NCALD: variants seen among roughly 807,000 people sequenced by gnomAD.
The protein encoded by NCALD is neurocalcin delta.
A neutral mutation model predicts 18.6 loss-of-function variants in NCALD; 10 were observed. That is an observed-to-expected ratio of 0.54 (90% CI 0.33 to 0.91). The LOEUF (loss-of-function observed/expected upper bound fraction) is 0.91. Among genes scored for constraint, NCALD ranks in the 40% least tolerant of loss-of-function variants. The pLI, the probability that NCALD is intolerant of heterozygous loss-of-function variation, is 0.03. For missense variants in NCALD, 184 were observed against 247.6 expected, an observed-to-expected ratio of 0.74 and a Z score of 1.72; for synonymous variants, 88 against 87.4, an observed-to-expected ratio of 1.01 and a Z score of -0.04.
Position 101,942,860 on chromosome 8 carries a change from G to A in NCALD, c.-156-27002C>T, listed in dbSNP as rs150975510. Among the ~76,000 whole-genome samples, 13 of 152,250 alleles carry A rather than the reference G, an allele frequency of 8.5e-5. No homozygotes were observed. The East Asian group carries it at 2.3e-3, about 27-fold the overall frequency. ...TCTAACATTCACATGCTTACCCACT[G>A]TGACATACAGCTTCATCCAATTACC... is the stretch of plus-strand genomic sequence containing the variant. On this transcript the variant is annotated intron_variant, in intron 2 of 6. Transcript: ENST00000311028.
intron 4 of NCALD, among the ~76,000 whole-genome samples, chr8:101,798,908 G>T (rs1057026644): frequency 7.1e-4 from 108 of 152,252 alleles, no homozygotes; most frequent in African/African-American, 2.5e-3. Context: ...AATGGAAGAA[G>T]AATATTTTTT....
At chr8:101,768,723 C>CAAAAAAAAAAAAA (rs71268528) in intron 1 of NCALD, among the ~76,000 whole-genome samples, 1 of 136,858 alleles carries the variant, frequency 7.3e-6, no homozygotes. Flanking sequence ...AACAAAAAAA[C>CAAAAAAAAAAAAA]AAAAAAAAAA....
chr8:102,084,061 A>G (rs1005722114), intron 1 of NCALD, among the ~76,000 whole-genome samples: 2 of 152,258 alleles, frequency 1.3e-5, no homozygotes, highest in African/African-American at 4.8e-5. Flanking sequence ...GTGCAGGTGC[A>G]GACTGAACAC....
intron 2 of NCALD, chr8:101,915,884 A>G (rs1817954943): frequency 1.3e-5 from 2 of 152,208 alleles, no homozygotes. Context: ...CAAAACAATA[A>G]TGGTAAATGC....
intron 4 of NCALD, among the ~76,000 whole-genome samples, chr8:101,835,031 C>T (rs1427863903): frequency 1.3e-5 from 2 of 152,222 alleles, no homozygotes; most frequent in Non-Finnish European, 2.9e-5. Flanking sequence ...AAGAGATTAA[C>T]TGGGTCAAAA....
chr8:101,839,349 AG>A (rs2131281633), intron 4 of NCALD, among the ~76,000 whole-genome samples: 1 of 151,942 alleles, frequency 6.6e-6, no homozygotes, highest in East Asian at 1.9e-4. Context: ...GCTGAGTGGG[AG>A]GTTGGGGTGG....
chr8:101,822,002 A>G (rs1246769193), intron 4 of NCALD, among the ~76,000 whole-genome samples: 1 of 152,100 alleles, frequency 6.6e-6, no homozygotes, highest in Non-Finnish European at 1.5e-5. Flanking sequence ...AGAGCTTGTG[A>G]AACTTTCCTC....
At chr8:101,863,466 T>A (rs376727629) in intron 4 of NCALD, among the ~76,000 whole-genome samples, 3 of 152,174 alleles carry the variant, frequency 2.0e-5, no homozygotes, top group South Asian at 2.1e-4. Flanking sequence ...TCTCACTTTT[T>A]TTTTTTTAAC....
intron 2 of NCALD, among the ~76,000 whole-genome samples, chr8:101,961,677 G>A (rs929909887): frequency 6.6e-6 from 1 of 152,062 alleles, no homozygotes; most frequent in African/African-American, 2.4e-5. Context: ...ATATCTTCCT[G>A]GCTCAGCCTC....
At chr8:101,910,059 A>G (rs181946825) in intron 3 of NCALD, among the ~76,000 whole-genome samples, 202 of 152,214 alleles carry the variant, frequency 1.3e-3, no homozygotes, top group Non-Finnish European at 2.1e-3. Flanking sequence ...TTAGAACATG[A>G]TTGCCCTAGG....
chr8:101,911,974 T>C (rs1446755205), intron 3 of NCALD, among the ~76,000 whole-genome samples: 2 of 152,320 alleles, frequency 1.3e-5, no homozygotes, highest in Non-Finnish European at 2.9e-5. Context: ...TAAGGGTTTC[T>C]AGACAGTTTA....
At chr8:101,904,497 C>T (rs914319917) in intron 3 of NCALD, among the ~76,000 whole-genome samples, 2 of 152,242 alleles carry the variant, frequency 1.3e-5, no homozygotes, top group Non-Finnish European at 2.9e-5. Flanking sequence ...TCCTGGTCTC[C>T]CCTCCAGCAT....
chr8:101,934,180 A>G (rs573618), intron 2 of NCALD, among the ~76,000 whole-genome samples: 89,448 of 151,970 alleles, frequency 0.59, 26,428 homozygotes, highest in South Asian at 0.66. Context: ...CCTTAAGAAG[A>G]CTGCAGATAA....
chr8:101,814,307 C>A (rs113990028), intron 4 of NCALD, among the ~76,000 whole-genome samples: 5 of 152,166 alleles, frequency 3.3e-5, no homozygotes, highest in African/African-American at 9.6e-5. Context: ...TCCATAACCA[C>A]ATGGGATTTA....
chr8:101,717,437 T>C (rs1017977235), intron 2 of NCALD, among the ~76,000 whole-genome samples: 1 of 152,222 alleles, frequency 6.6e-6, no homozygotes, highest in South Asian at 2.1e-4. Context: ...TTCATTAAAT[T>C]GCTTGAATTT....
At chr8:101,801,860 G>T (rs1318456932) in intron 4 of NCALD, among the ~76,000 whole-genome samples, 2 of 151,582 alleles carry the variant, frequency 1.3e-5, no homozygotes, top group Non-Finnish European at 2.9e-5. Context: ...TAGAGACGGG[G>T]TTTCACCCTG....
intron 3 of NCALD, among the ~76,000 whole-genome samples, chr8:101,893,237 C>A (rs1816988937): frequency 6.6e-6 from 1 of 151,614 alleles, no homozygotes; most frequent in African/African-American, 2.4e-5. Flanking sequence ...GAATTGTCAA[C>A]CCAGAATTTC....
At chr8:101,761,341 T>C (rs1487498858) in intron 1 of NCALD, among the ~76,000 whole-genome samples, 1 of 152,180 alleles carries the variant, frequency 6.6e-6, no homozygotes, top group Non-Finnish European at 1.5e-5. Flanking sequence ...AAAGTTTATT[T>C]TTTGCATCTG....
rs114721075 is a variant in NCALD at position 101,998,561 on chromosome 8, T to C, written c.-157+21676A>G. The stretch of plus-strand genomic sequence containing the variant: ...TCTGCAGTGTCCCACAATGGGTATG[T>C]CCCTTCACAGCTCTGGCTTCTGCTC... On this transcript the variant is annotated intron_variant, in intron 2 of 6. Transcript: ENST00000311028. Among the ~76,000 whole-genome samples, 923 of 152,288 alleles carry C rather than the reference T, an allele frequency of 6.1e-3. 10 individuals carry two copies. The highest frequency in any genetic ancestry group is 0.018 in the African/African-American group (740 of 41,546).
Sources: allele counts gnomAD v4.1 joint callset (sites outside exome capture counted in the v4.1 genomes callset), GRCh38; gene constraint gnomAD v4.1.1; transcripts MANE v1.5; gene names NCBI Gene and HGNC (gene_info 2026-07-23, HGNC 2026-07-21).